Variants in CTNND2 observed in about 807,000 individuals in gnomAD.
CTNND2 encodes catenin delta 2.
A neutral mutation model predicts 144.4 loss-of-function variants in CTNND2; 22 were observed. That is an observed-to-expected ratio of 0.15 (90% CI 0.11 to 0.22). The LOEUF (loss-of-function observed/expected upper bound fraction) is 0.22. Among genes scored for constraint, CTNND2 ranks in the 10% least tolerant of loss-of-function variants. CTNND2 has a pLI of 1.00. For missense variants in CTNND2, 1,353 were observed against 1,618.8 expected, an observed-to-expected ratio of 0.84 and a Z score of 2.82; for synonymous variants, 751 against 695.6, an observed-to-expected ratio of 1.08 and a Z score of -1.25.
At chr5:11,314,702 C>T (rs1005425827) in intron 9 of CTNND2, among the ~76,000 whole-genome samples, 1 of 152,178 alleles carries the variant, frequency 6.6e-6, no homozygotes, top group Non-Finnish European at 1.5e-5. Context: ...ATCTTGCATT[C>T]CTACCAAAAT....
intron 3 of CTNND2, among the ~76,000 whole-genome samples, chr5:11,542,329 C>T (rs369113269): frequency 2.2e-4 from 34 of 152,208 alleles, no homozygotes; most frequent in African/African-American, 7.5e-4. Context: ...TGTCCTTTTA[C>T]CTAATCATTC....
chr5:11,218,247 A>C (rs1014687355), intron 10 of CTNND2, among the ~76,000 whole-genome samples: 2 of 152,152 alleles, frequency 1.3e-5, no homozygotes, highest in Admixed American at 1.3e-4. Context: ...TCAGTTGACA[A>C]ATATCCCTGA....
rs929195854 is a variant in CTNND2 at position 10,973,139 on chromosome 5, C to G, written c.*314G>C. ...ACGATAACCCTTACGCCCCACCGGC[C>G]CGAATGCCTCGTCTCTCCTCCCATC... On this transcript the variant is annotated 3_prime_UTR_variant, in exon 22 of 22. Coordinates refer to ENST00000304623, the MANE Select transcript of CTNND2 (RefSeq NM_001332.4). This position sits in a 1 kb window ranked among gnomAD's most constrained non-coding sequence, Gnocchi z 5.6. 8 of 243,840 alleles carry G rather than the reference C, an allele frequency of 3.3e-5. No homozygotes were observed. The highest frequency in any genetic ancestry group is 5.5e-5 in the Non-Finnish European group (7 of 127,626). The allele number at this position is 243,840 out of a possible 1,614,324, so 15.1% of individuals were successfully genotyped here.
At chr5:11,536,026 G>A (rs1476460038) in intron 3 of CTNND2, among the ~76,000 whole-genome samples, 1 of 152,120 alleles carries the variant, frequency 6.6e-6, no homozygotes, top group African/African-American at 2.4e-5. Flanking sequence ...TTTAGTAAGG[G>A]CTTAATAAAT....
chr5:11,295,186 T>C (rs1365354479), intron 9 of CTNND2, among the ~76,000 whole-genome samples: 1 of 151,994 alleles, frequency 6.6e-6, no homozygotes, highest in Non-Finnish European at 1.5e-5. Flanking sequence ...TATACACCAA[T>C]AAAAGACAAA....
intron 3 of CTNND2, among the ~76,000 whole-genome samples, chr5:11,430,503 G>GA (rs886919141): frequency 4.6e-5 from 7 of 150,804 alleles, no homozygotes; most frequent in African/African-American, 1.7e-4. Context: ...CAAAATGCAG[G>GA]AAAGTTCCCA....
intron 9 of CTNND2, among the ~76,000 whole-genome samples, chr5:11,303,115 C>T (rs1390907533): frequency 1.3e-5 from 2 of 152,188 alleles, no homozygotes; most frequent in Admixed American, 6.5e-5. Context: ...CCACGGGTTG[C>T]CTCAGAAACT....
intron 16 of CTNND2, among the ~76,000 whole-genome samples, chr5:11,033,853 A>G (rs1332616780): frequency 6.7e-6 from 1 of 148,664 alleles, no homozygotes; most frequent in East Asian, 1.9e-4. Flanking sequence ...AACAACAACA[A>G]CATCTTTCAC....
At chr5:11,665,782 C>T (rs925154948) in intron 2 of CTNND2, among the ~76,000 whole-genome samples, 1 of 152,152 alleles carries the variant, frequency 6.6e-6, no homozygotes, top group Non-Finnish European at 1.5e-5. Flanking sequence ...AAGACCCTAA[C>T]CCTTTCCTGT....
intron 11 of CTNND2, among the ~76,000 whole-genome samples, chr5:11,172,535 T>G (rs926563384): frequency 2.0e-5 from 3 of 152,190 alleles, no homozygotes; most frequent in Non-Finnish European, 4.4e-5. Flanking sequence ...CATTCAGCAA[T>G]TTTGGTTCAG....
At chr5:11,660,220 A>G (rs1020489225) in intron 2 of CTNND2, among the ~76,000 whole-genome samples, 13 of 152,158 alleles carry the variant, frequency 8.5e-5, no homozygotes, top group African/African-American at 3.1e-4. Flanking sequence ...TCACAAGGCC[A>G]TGAAAAAGGA....
At chr5:11,377,749 T>A (rs547009802) in intron 7 of CTNND2, among the ~76,000 whole-genome samples, 1 of 152,294 alleles carries the variant, frequency 6.6e-6, no homozygotes, top group East Asian at 1.9e-4. Flanking sequence ...ATCCCAACTC[T>A]TAGTTCCAGG....
chr5:11,877,650 C>A (rs544192726), intron 1 of CTNND2, among the ~76,000 whole-genome samples: 2 of 152,034 alleles, frequency 1.3e-5, no homozygotes, highest in East Asian at 3.9e-4. Context: ...GCCTAATTCA[C>A]AGCAAGAAAA....
rs868138235 is a variant in CTNND2 at position 11,117,075 on chromosome 5, T to A, written c.2277+375A>T. 4.9e-3 allele frequency among the ~76,000 whole-genome samples: 648 copies of A among 131,672 alleles called. 6 individuals are homozygous for A. The highest frequency in any genetic ancestry group is 0.014 in the African/African-American group (532 of 36,938). The allele number at this position is 131,672 out of a possible 152,430, so 86.4% of individuals were successfully genotyped here. ...CAGAGCGAGACTCTGTCTCAAAAAA[T>A]AAAAAAAAAAAGCAGGTAGTTTTAA... is the stretch of plus-strand genomic sequence containing the variant. On this transcript the variant is annotated intron_variant, in intron 13 of 21. Coordinates refer to ENST00000304623, the MANE Select transcript of CTNND2 (RefSeq NM_001332.4).
intron 1 of CTNND2, among the ~76,000 whole-genome samples, chr5:11,842,175 T>A (rs1302564604): frequency 6.6e-6 from 1 of 151,996 alleles, no homozygotes; most frequent in East Asian, 1.9e-4. Context: ...TCCCCTTTTT[T>A]CTCTGAAATG....
intron 2 of CTNND2, among the ~76,000 whole-genome samples, chr5:11,711,065 A>AT (rs11356551): frequency 3.9e-4 from 57 of 147,576 alleles, no homozygotes; most frequent in African/African-American, 4.7e-4. Context: ...GATTGGCTTA[A>AT]TTTTTTTTTT....
chr5:11,513,019 G>A (rs150001374), intron 3 of CTNND2, among the ~76,000 whole-genome samples: 1 of 152,246 alleles, frequency 6.6e-6, no homozygotes, highest in East Asian at 1.9e-4. Flanking sequence ...TCATGAAGGT[G>A]GCAGGAAGTC....
intron 3 of CTNND2, among the ~76,000 whole-genome samples, chr5:11,461,873 A>C (rs968446221): frequency 6.6e-6 from 1 of 152,154 alleles, no homozygotes; most frequent in Non-Finnish European, 1.5e-5. Context: ...TTCTGGGTAA[A>C]GCTTAAAAAT....
chr5:11,150,832 G>A (rs937061144), intron 12 of CTNND2, among the ~76,000 whole-genome samples: 3 of 152,058 alleles, frequency 2.0e-5, no homozygotes, highest in Admixed American at 2.0e-4. Context: ...CACCATGTTG[G>A]TCAGGCTGGT....
Sources: allele counts gnomAD v4.1 joint callset (sites outside exome capture counted in the v4.1 genomes callset), GRCh38; gene constraint gnomAD v4.1.1; non-coding constraint Gnocchi (gnomAD v3.1); transcripts MANE v1.5; gene names NCBI Gene and HGNC (gene_info 2026-07-23, HGNC 2026-07-21).